The following SLC9A9 variants were observed in gnomAD, a reference collection of about 807,000 sequenced individuals.
SLC9A9 encodes sodium/hydrogen exchanger 9.
In SLC9A9, 62 loss-of-function variants were observed where a neutral mutation model predicts 77.8. The ratio of observed to expected loss-of-function variants is 0.80; its 90% CI spans 0.65 to 0.98. SLC9A9 has a LOEUF of 0.98. Among genes scored for constraint, SLC9A9 ranks in the 50% least tolerant of loss-of-function variants. The pLI, the probability that SLC9A9 is intolerant of heterozygous loss-of-function variation, is 0.00. For synonymous variants in SLC9A9, 320 were observed against 283.5 expected, an observed-to-expected ratio of 1.13 and a Z score of -1.29; for missense variants, 775 against 774.9, an observed-to-expected ratio of 1.00 and a Z score of 0.00.
At chr3:143,307,301 T>A (rs2030830385) in intron 14 of SLC9A9, among the ~76,000 whole-genome samples, 1 of 152,240 alleles carries the variant, frequency 6.6e-6, no homozygotes, top group Admixed American at 6.5e-5. Flanking sequence ...AGCACACCAC[T>A]GGTTAATCCC....
intron 14 of SLC9A9, among the ~76,000 whole-genome samples, chr3:143,355,934 G>A (rs1472483238): frequency 1.3e-5 from 2 of 152,106 alleles, no homozygotes; most frequent in Non-Finnish European, 2.9e-5. Flanking sequence ...CATATCATTC[G>A]TTTAAAGTGA....
chr3:143,748,330 C>T (rs1935247367), intron 4 of SLC9A9, among the ~76,000 whole-genome samples: 1 of 152,142 alleles, frequency 6.6e-6, no homozygotes, highest in African/African-American at 2.4e-5. Flanking sequence ...GATGCCATCA[C>T]CAAAGACATT....
intron 4 of SLC9A9, among the ~76,000 whole-genome samples, chr3:143,737,834 C>T (rs1934981105): frequency 6.6e-6 from 1 of 152,070 alleles, no homozygotes; most frequent in Non-Finnish European, 1.5e-5. Context: ...GTCACCCCGG[C>T]CCGAGATTTT....
At position 143,842,663 on chromosome 3, in the gene SLC9A9, G is replaced by A. The variant is rs113645203; in HGVS notation, c.175+5485C>T. 2.0e-3 allele frequency among the ~76,000 whole-genome samples: 300 copies of A among 152,318 alleles called. 1 individual carries two copies. The highest frequency in any genetic ancestry group is 7.0e-3 in the African/African-American group (289 of 41,572). On this transcript the variant is annotated intron_variant, in intron 1 of 15. Transcript: ENST00000316549. ...TTCATAAAAAATGCTTCTGCAAACT[G>A]TGGAATACATAGCCAGTCCTCACTA...
At chr3:143,496,721 G>A (rs1269814201) in intron 9 of SLC9A9, among the ~76,000 whole-genome samples, 1 of 152,176 alleles carries the variant, frequency 6.6e-6, no homozygotes, top group Admixed American at 6.5e-5. Context: ...AAAAATGTAG[G>A]GGACAGGGAA....
chr3:143,320,748 G>A lies in SLC9A9; in HGVS notation c.1604+42736C>T, dbSNP rs369176863. On this transcript the variant is annotated intron_variant, in intron 14 of 15. Coordinates refer to ENST00000316549, the MANE Select transcript of SLC9A9 (RefSeq NM_173653.4). Reference sequence around the variant, plus strand: ...TTTTGGAGGGGAAAAACAATCATATGCCCCCAAAAGATATGTTCAAGCCTT... The same window carrying A: ...TTTTGGAGGGGAAAAACAATCATATACCCCCAAAAGATATGTTCAAGCCTT... 8.2e-4 allele frequency among the ~76,000 whole-genome samples: 125 copies of A among 152,224 alleles called. No individual in the cohort carries two copies. The South Asian group carries it at 0.025, about 30-fold the overall frequency.
rs576501030 is a variant in SLC9A9, at chr3:143,778,850, A to G, written c.533+16151T>C. On this transcript the variant is annotated intron_variant, in intron 4 of 15. Transcript: ENST00000316549. ...ATTAGAGACCCAGCTCCTGAAAAGT[A>G]TAATTTGGGCTGCAATTGAGTGAGT... 5.9e-5 allele frequency among the ~76,000 whole-genome samples: 9 copies of G among 152,338 alleles called. No individual in the cohort carries two copies. In the South Asian group the frequency reaches 1.9e-3, roughly 32 times the overall value.
chr3:143,325,828 G>T (rs2031585060), intron 14 of SLC9A9, among the ~76,000 whole-genome samples: 1 of 152,170 alleles, frequency 6.6e-6, no homozygotes. Flanking sequence ...CTGCCTCTAG[G>T]ATCAGCTCAG....
chr3:143,517,847 C>A, intron 9 of SLC9A9: 4 of 1,600,402 alleles, frequency 2.5e-6, no homozygotes, highest in Non-Finnish European at 3.4e-6. Flanking sequence ...CTGGAGTTCA[C>A]CATCGTTTAG....
intron 4 of SLC9A9, among the ~76,000 whole-genome samples, chr3:143,718,584 G>T (rs76218188): frequency 0.034 from 5,215 of 152,192 alleles, 288 homozygotes; most frequent in African/African-American, 0.12. Flanking sequence ...GAAATGCCTG[G>T]GTTCCACCAC....
chr3:143,499,607 A>AT (rs1323331691), intron 9 of SLC9A9, among the ~76,000 whole-genome samples: 2 of 151,844 alleles, frequency 1.3e-5, no homozygotes, highest in Non-Finnish European at 2.9e-5. Flanking sequence ...GTCATCATAC[A>AT]TTTTTCATGT....
chr3:143,630,920 T>A (rs543052865), intron 6 of SLC9A9, among the ~76,000 whole-genome samples: 1 of 152,282 alleles, frequency 6.6e-6, no homozygotes, highest in Admixed American at 6.5e-5. Flanking sequence ...TTTTTCCAGC[T>A]CGTTGCTATA....
intron 11 of SLC9A9, among the ~76,000 whole-genome samples, chr3:143,468,620 T>C (rs986019099): frequency 6.6e-6 from 1 of 152,192 alleles, no homozygotes. Flanking sequence ...CAAAAGAAAC[T>C]TTCTGGGAAC....
intron 14 of SLC9A9, among the ~76,000 whole-genome samples, chr3:143,298,610 G>A (rs1490868436): frequency 1.3e-5 from 2 of 152,220 alleles, no homozygotes; most frequent in African/African-American, 4.8e-5. Context: ...AAGTGTTTCA[G>A]GATGCTCAAG....
At chr3:143,404,820 G>C (rs1576475183) in intron 12 of SLC9A9, among the ~76,000 whole-genome samples, 1 of 152,170 alleles carries the variant, frequency 6.6e-6, no homozygotes, top group Non-Finnish European at 1.5e-5. Flanking sequence ...TATTTTCCTT[G>C]CCTTGTGCAG....
intron 4 of SLC9A9, among the ~76,000 whole-genome samples, chr3:143,791,645 T>C (rs529582440): frequency 2.8e-3 from 429 of 152,362 alleles, no homozygotes; most frequent in Non-Finnish European, 4.9e-3. Flanking sequence ...ATGCACTTAA[T>C]GGCATGGAAA....
intron 12 of SLC9A9, among the ~76,000 whole-genome samples, chr3:143,405,216 T>G (rs949204204): frequency 6.6e-6 from 1 of 152,160 alleles, no homozygotes; most frequent in Non-Finnish European, 1.5e-5. Context: ...GCTATTAGTC[T>G]CCACTTCATT....
chr3:143,270,687 A>T (rs951348122), intron 14 of SLC9A9, among the ~76,000 whole-genome samples: 3 of 152,054 alleles, frequency 2.0e-5, no homozygotes, highest in Non-Finnish European at 4.4e-5. Flanking sequence ...TAAAAGAAAA[A>T]AAAAAGTTTG....
intron 4 of SLC9A9, among the ~76,000 whole-genome samples, chr3:143,707,443 T>C (rs1934015751): frequency 6.6e-6 from 1 of 151,758 alleles, no homozygotes; most frequent in African/African-American, 2.4e-5. Context: ...TATAAACAAG[T>C]AAACCCAGCA....
Sources: allele counts gnomAD v4.1 joint callset (sites outside exome capture counted in the v4.1 genomes callset), GRCh38; gene constraint gnomAD v4.1.1; transcripts MANE v1.5; gene names NCBI Gene and HGNC (gene_info 2026-07-23, HGNC 2026-07-21).